Variants in CCDC3 observed in about 807,000 individuals in gnomAD.
The protein encoded by CCDC3 is coiled-coil domain-containing protein 3.
Under a neutral mutation model 21.4 loss-of-function variants are expected in CCDC3, and 24 were observed. That is an observed-to-expected ratio of 1.12 (90% CI 0.81 to 1.58). CCDC3 has a LOEUF of 1.58. CCDC3 is among the 40% of genes most tolerant of loss of function. The pLI, the probability that CCDC3 is intolerant of heterozygous loss-of-function variation, is 0.00. For missense variants in CCDC3, 425 were observed against 360.9 expected (o/e 1.18, Z -1.44); for synonymous variants, 186 against 166.0 (o/e 1.12, Z -0.93).
At position 12,898,404 on chromosome 10, in the gene CCDC3, C is replaced by A; in HGVS notation, c.*12G>T. 1 of 1,577,072 alleles carries A rather than the reference C, an allele frequency of 6.3e-7. No individual in the cohort carries two copies. Among genetic ancestry groups the A allele is most frequent in the East Asian group, 2.3e-5 (1 of 44,326 alleles). On this transcript the variant is annotated 3_prime_UTR_variant, in exon 3 of 3. Transcript: ENST00000378825. ...AGGATTGGCCCTGCACACCTGGCAG[C>A]CCCCAGGCCCGTTACCCCCGCAGGT... is the stretch of plus-strand genomic sequence containing the variant.
chr10:12,969,495 T>G (rs1835308954), intron 2 of CCDC3, among the ~76,000 whole-genome samples: 1 of 151,806 alleles, frequency 6.6e-6, no homozygotes, highest in African/African-American at 2.4e-5. Flanking sequence ...CCAAGGTAAT[T>G]TAGTACATAA....
At chr10:13,073,323 C>T (rs1330763803) in intron 4 of CCDC3, among the ~76,000 whole-genome samples, 5 of 152,048 alleles carry the variant, frequency 3.3e-5, no homozygotes, top group African/African-American at 1.2e-4. Flanking sequence ...TTTGGTCTTC[C>T]TTCTTGGAAT....
At chr10:13,060,159 C>G (rs1182118053) in intron 4 of CCDC3, among the ~76,000 whole-genome samples, 1 of 152,054 alleles carries the variant, frequency 6.6e-6, no homozygotes, top group Non-Finnish European at 1.5e-5. Context: ...AGAAACAAAA[C>G]AAAACAAAAC....
At position 12,898,646 on chromosome 10, in the gene CCDC3, C is replaced by T. The variant is rs1834047740; in HGVS notation, c.583G>A (p.Glu195Lys). ...MCSSVQKALF[E>K]EEDHVKKLQQ... is the part of the protein sequence containing the mutation. ...AGTTTCTTGACGTGGTCCTCCTCCT[C>T]AAACAAGGCCTTCTGCACCGAGGAG... The change falls in exon 3 of 3, where the codon GAG (glutamate) becomes AAG (lysine). Residue 195 changes from glutamate to lysine, a missense_variant. Coordinates refer to ENST00000378825, the MANE Select transcript of CCDC3 (RefSeq NM_031455.4). The T allele has an allele frequency of 6.2e-7, 1 of 1,614,230 alleles. No homozygotes were observed. Among genetic ancestry groups the T allele is most frequent in the Non-Finnish European group, 8.5e-7 (1 of 1,180,034 alleles).
rs1834371389 is a variant in CCDC3 at position 12,917,177 on chromosome 10, CTTCTTTTTT to C, written c.550-18507_550-18499del. 6.7e-5 allele frequency among the ~76,000 whole-genome samples: 5 copies of C among 74,786 alleles called. No homozygotes were observed. The South Asian group carries it at 2.0e-3, about 30-fold the overall frequency. 49.1% of individuals were successfully genotyped at this position (74,786 alleles called of 152,430 possible). ...GATGTTGGAAATGTCCTTATTTCTT[CTTCTTTTTT>C]TTTTTTTTTTTTTTTTTTTTTTTTT... is the stretch of plus-strand genomic sequence containing the variant. On this transcript the variant is annotated intron_variant, in intron 2 of 2. Transcript: ENST00000378825.
chr10:13,085,180 C>A (rs750720990), intron 3 of CCDC3, among the ~76,000 whole-genome samples: 6 of 152,164 alleles, frequency 3.9e-5, no homozygotes, highest in Non-Finnish European at 8.8e-5. Flanking sequence ...GCACTGGAGT[C>A]TGCCTAGCAA....
At chr10:12,923,985 G>A (rs1010683758) in intron 2 of CCDC3, among the ~76,000 whole-genome samples, 22 of 152,332 alleles carry the variant, frequency 1.4e-4, no homozygotes, top group African/African-American at 5.3e-4. Flanking sequence ...ACCTTTGATA[G>A]GTGAATGAAA....
intron 2 of CCDC3, among the ~76,000 whole-genome samples, chr10:12,952,261 T>C (rs902148676): frequency 6.6e-6 from 1 of 152,180 alleles, no homozygotes; most frequent in Non-Finnish European, 1.5e-5. Flanking sequence ...CTTAGGATAG[T>C]TCCTGGCACA....
intron 5 of CCDC3, among the ~76,000 whole-genome samples, chr10:13,029,650 C>T (rs1836272562): frequency 2.0e-5 from 3 of 152,160 alleles, no homozygotes; most frequent in African/African-American, 7.2e-5. Context: ...CCCTAAATGA[C>T]CTGACGGAGC....
intron 5 of CCDC3, among the ~76,000 whole-genome samples, chr10:13,029,641 C>A (rs1416008159): frequency 5.3e-5 from 8 of 152,004 alleles, no homozygotes; most frequent in Non-Finnish European, 1.0e-4. Flanking sequence ...TAGAGAAGAC[C>A]CTAAATGACC....
chr10:13,079,146 C>T (rs887867308), intron 3 of CCDC3, among the ~76,000 whole-genome samples: 5 of 152,124 alleles, frequency 3.3e-5, no homozygotes, highest in African/African-American at 4.8e-5. Context: ...CTGATTTTTC[C>T]TTATGGTACC....
chr10:12,920,454 A>G (rs1834432999), intron 2 of CCDC3, among the ~76,000 whole-genome samples: 2 of 152,228 alleles, frequency 1.3e-5, no homozygotes, highest in Admixed American at 6.5e-5. Flanking sequence ...GGGCTGGTTC[A>G]TGGCTGTGGC....
At chr10:12,914,396 T>C (rs1456867574) in intron 2 of CCDC3, among the ~76,000 whole-genome samples, 1 of 152,156 alleles carries the variant, frequency 6.6e-6, no homozygotes, top group Non-Finnish European at 1.5e-5. Flanking sequence ...TTTAGTCATT[T>C]GTATTTCTGC....
chr10:13,055,884 C>T (rs2131428632), intron 4 of CCDC3, among the ~76,000 whole-genome samples: 1 of 152,310 alleles, frequency 6.6e-6, no homozygotes, highest in Middle Eastern at 3.4e-3. Context: ...AAGTCCTTTG[C>T]CTGCTAAAAC....
chr10:12,997,813 G>A (rs1835785244), intron 2 of CCDC3, among the ~76,000 whole-genome samples: 1 of 152,088 alleles, frequency 6.6e-6, no homozygotes, highest in Non-Finnish European at 1.5e-5. Flanking sequence ...TATTGCATTA[G>A]CCCTCTGACA....
intron 5 of CCDC3, among the ~76,000 whole-genome samples, chr10:13,047,155 T>G (rs1002235384): frequency 6.6e-6 from 1 of 151,966 alleles, no homozygotes; most frequent in East Asian, 1.9e-4. Context: ...CCAGAACAAT[T>G]ATAGGAAAGA....
chr10:12,898,329 C>T lies in CCDC3; in HGVS notation c.*87G>A. The T allele has an allele frequency of 7.4e-7, 1 of 1,354,334 alleles. No individual in the cohort carries two copies. Among genetic ancestry groups the T allele is most frequent in the Non-Finnish European group, 1.0e-6 (1 of 999,550 alleles). The allele number at this position is 1,354,334 out of a possible 1,614,324, so 83.9% of individuals were successfully genotyped here. A position where few individuals can be genotyped will look rare whatever the true frequency, so the allele number is the denominator to read the frequency against. ...TGATTAAAAACAAAAACTCTTACAA[C>T]CCTTGAAATAGCTGCATGTACGAAA... On this transcript the variant is annotated 3_prime_UTR_variant, in exon 3 of 3. Coordinates refer to ENST00000378825, the MANE Select transcript of CCDC3 (RefSeq NM_031455.4).
chr10:12,987,354 T>C (rs1333005248), intron 2 of CCDC3, among the ~76,000 whole-genome samples: 1 of 152,258 alleles, frequency 6.6e-6, no homozygotes, highest in Non-Finnish European at 1.5e-5. Context: ...AACGCCCATC[T>C]GCCTGGAGAT....
intron 2 of CCDC3, among the ~76,000 whole-genome samples, chr10:12,929,374 T>G (rs1834603846): frequency 6.6e-6 from 1 of 151,920 alleles, no homozygotes; most frequent in Middle Eastern, 3.2e-3. Context: ...CAAAACAAGG[T>G]GCCAGGGCTG....
Sources: allele counts gnomAD v4.1 joint callset (sites outside exome capture counted in the v4.1 genomes callset), GRCh38; gene constraint gnomAD v4.1.1; transcripts MANE v1.5; gene names NCBI Gene and HGNC (gene_info 2026-07-23, HGNC 2026-07-21).